The following GPC5 variants were observed in gnomAD, a reference collection of about 807,000 sequenced individuals.
GPC5 encodes glypican 5, also known as glypican-5.
GPC5 carries 47 observed loss-of-function variants against 53.9 expected under a neutral mutation model. That is an observed-to-expected ratio of 0.87 (90% CI 0.69 to 1.11). GPC5 has a LOEUF of 1.11. Among genes scored for constraint, GPC5 ranks in the 50% most tolerant of loss-of-function variants. The probability of loss-of-function intolerance (pLI) is 0.00; values close to 1 mark genes in which losing one functional copy is unlikely to be tolerated. For missense variants in GPC5, 748 were observed against 713.1 expected (o/e 1.05, Z -0.56); for synonymous variants, 286 against 263.3 (o/e 1.09, Z -0.84).
intron 7 of GPC5, among the ~76,000 whole-genome samples, chr13:92,568,643 T>A (rs545669501): frequency 1.3e-5 from 2 of 152,172 alleles, no homozygotes; most frequent in Admixed American, 1.3e-4. Flanking sequence ...TAACATGCAT[T>A]TGTGTTCTTA....
chr13:92,053,020 T>C (rs1454163056), intron 6 of GPC5, among the ~76,000 whole-genome samples: 1 of 152,208 alleles, frequency 6.6e-6, no homozygotes, highest in Non-Finnish European at 1.5e-5. Flanking sequence ...TGTTCGTTTT[T>C]ATTATGATGA....
intron 7 of GPC5, among the ~76,000 whole-genome samples, chr13:92,740,903 TA>T (rs1436999260): frequency 1.4e-4 from 10 of 69,174 alleles, no homozygotes; most frequent in South Asian, 5.4e-4. Context: ...TATTTATATA[TA>T]TATATATATA....
intron 3 of GPC5, among the ~76,000 whole-genome samples, chr13:91,718,579 C>G (rs548382171): frequency 2.5e-4 from 38 of 152,078 alleles, no homozygotes; most frequent in Non-Finnish European, 4.4e-4. Flanking sequence ...TATCACAAAG[C>G]TCAATGGTCA....
chr13:92,629,636 A>T (rs763471502), intron 7 of GPC5, among the ~76,000 whole-genome samples: 5 of 152,218 alleles, frequency 3.3e-5, no homozygotes, highest in African/African-American at 7.2e-5. Flanking sequence ...ATTAAAGTAC[A>T]GAGTATCTTA....
At chr13:92,520,887 A>G (rs117596614) in intron 7 of GPC5, among the ~76,000 whole-genome samples, 1,879 of 152,258 alleles carry the variant, frequency 0.012, 19 homozygotes, top group Non-Finnish European at 0.019. Flanking sequence ...AATCCCCATC[A>G]TCTCAACCCA....
intron 3 of GPC5, 79 bp downstream of exon 3, chr13:91,693,960 G>T: frequency 9.4e-7 from 1 of 1,067,788 alleles, no homozygotes; most frequent in Non-Finnish European, 1.4e-6. Flanking sequence ...GAAATAGTAG[G>T]AGAATGTGTC....
At chr13:91,399,251 G>A (rs1356618943) in intron 1 of GPC5, 42 bp downstream of exon 1, 1 of 1,591,486 alleles carries the variant, frequency 6.3e-7, no homozygotes. Context: ...CGGCGTCCGA[G>A]CCCGGCCTTC....
At chr13:91,914,438 C>A (rs547724917) in intron 6 of GPC5, among the ~76,000 whole-genome samples, 50 of 151,986 alleles carry the variant, frequency 3.3e-4, no homozygotes, top group African/African-American at 1.1e-3. Flanking sequence ...TATAGAGACC[C>A]AAACTTCTTT....
chr13:92,466,057 C>G (rs1340665007), intron 7 of GPC5, among the ~76,000 whole-genome samples: 3 of 151,960 alleles, frequency 2.0e-5, no homozygotes, highest in Admixed American at 6.6e-5. Flanking sequence ...TTTAAATGTT[C>G]TCACCACAAA....
chr13:91,490,756 C>G (rs1883899968), intron 2 of GPC5, among the ~76,000 whole-genome samples: 1 of 152,174 alleles, frequency 6.6e-6, no homozygotes, highest in Non-Finnish European at 1.5e-5. Context: ...GTACAAGTTA[C>G]TTCACTCAGG....
At chr13:92,218,907 G>A (rs2042429630) in intron 7 of GPC5, among the ~76,000 whole-genome samples, 1 of 152,066 alleles carries the variant, frequency 6.6e-6, no homozygotes. Flanking sequence ...TCTCTTTGGG[G>A]GCAGAACCTG....
intron 1 of GPC5, among the ~76,000 whole-genome samples, chr13:91,425,431 A>T (rs1376918576): frequency 6.6e-6 from 1 of 152,146 alleles, no homozygotes; most frequent in South Asian, 2.1e-4. Flanking sequence ...AAGTGATTGG[A>T]TCATGGGAGC....
At chr13:91,572,110 C>CAT (rs142493204) in intron 2 of GPC5, among the ~76,000 whole-genome samples, 2,669 of 105,980 alleles carry the variant, frequency 0.025, 108 homozygotes, top group South Asian at 0.08. Flanking sequence ...TATATACACA[C>CAT]ATGTATATAT....
At chr13:91,855,223 A>C (rs2038954747) in intron 5 of GPC5, among the ~76,000 whole-genome samples, 1 of 151,742 alleles carries the variant, frequency 6.6e-6, no homozygotes, top group Non-Finnish European at 1.5e-5. Context: ...ATGCTTTTCT[A>C]ACTAGCTCCT....
At chr13:91,466,510 G>A (rs1302728279) in intron 2 of GPC5, among the ~76,000 whole-genome samples, 1 of 152,058 alleles carries the variant, frequency 6.6e-6, no homozygotes, top group Non-Finnish European at 1.5e-5. Flanking sequence ...AGGTTTAATT[G>A]GTGCTGTTTT....
rs180852153 is a variant in GPC5, at chr13:92,317,182, G to A, written c.1561+172193G>A. On this transcript the variant is annotated intron_variant, in intron 7 of 7. Coordinates refer to ENST00000377067, the MANE Select transcript of GPC5 (RefSeq NM_004466.6). ...CCCCCAGTAATGTATGTGGGAAGTC[G>A]CCCAAAGGCCAGGATTCTTGAGATA... Among the ~76,000 whole-genome samples the A allele has an allele frequency of 5.3e-3, 810 of 152,142 alleles. 8 individuals are homozygous for A. Among genetic ancestry groups the A allele is most frequent in the Non-Finnish European group, 7.3e-3 (499 of 68,000 alleles).
At chr13:92,431,645 G>C (rs1159614348) in intron 7 of GPC5, among the ~76,000 whole-genome samples, 1 of 152,106 alleles carries the variant, frequency 6.6e-6, no homozygotes, top group African/African-American at 2.4e-5. Context: ...TGGTGAGGAG[G>C]AGAGCTTGTG....
chr13:91,980,880 C>G (rs967198728), intron 6 of GPC5, among the ~76,000 whole-genome samples: 1 of 152,148 alleles, frequency 6.6e-6, no homozygotes, highest in Non-Finnish European at 1.5e-5. Flanking sequence ...ATGTCTTTCA[C>G]CCCAAATTAT....
chr13:91,776,119 A>T (rs2037707615), intron 5 of GPC5, among the ~76,000 whole-genome samples: 1 of 152,140 alleles, frequency 6.6e-6, no homozygotes. Context: ...CCATGACAGC[A>T]CCTGGAAGAT....
Sources: gnomAD v4.1 joint callset for allele counts (sites outside exome capture counted in the v4.1 genomes callset) on GRCh38, gnomAD v4.1.1 for gene constraint, MANE v1.5 for transcripts, NCBI Gene and HGNC (gene_info 2026-07-23, HGNC 2026-07-21) for gene names.